CDH23: variants seen among roughly 807,000 people sequenced by gnomAD.
The protein encoded by CDH23 is cadherin-23.
In CDH23, 189 loss-of-function variants were observed where a neutral mutation model predicts 317.1. The ratio of observed to expected loss-of-function variants is 0.60; its 90% confidence interval spans 0.53 to 0.67. The LOEUF (loss-of-function observed/expected upper bound fraction) is 0.67, where lower values mean the gene tolerates loss of function less well. Among genes scored for constraint, CDH23 ranks in the 30% least tolerant of loss-of-function variants. CDH23 has a pLI of 0.00. For missense variants in CDH23, 4,401 were observed against 4,592.4 expected (o/e 0.96, Z 1.20); for synonymous variants, 1,839 against 1,876.8 (o/e 0.98, Z 0.52).
Position 71,784,272 on chromosome 10 carries a change from C to A in CDH23, c.5369-15C>A. On this transcript the variant is annotated splice_polypyrimidine_tract_variant and intron_variant, in intron 41 of 69. Coordinates refer to ENST00000224721, the MANE Select transcript of CDH23 (RefSeq NM_022124.6). ...CAATGCCCGACTAACTTGGGCCTCT[C>A]CTGGTGACACCCAGGGGAGTTTGTG... The A allele has an allele frequency of 6.2e-7, 1 of 1,610,550 alleles. No homozygotes were observed. The highest frequency in any genetic ancestry group is 8.5e-7 in the Non-Finnish European group (1 of 1,177,582).
chr10:71,682,301 G>T, intron 17 of CDH23, 144 bp from the exon 18 acceptor site: 3 of 1,056,806 alleles, frequency 2.8e-6, no homozygotes, highest in Middle Eastern at 3.1e-4. Flanking sequence ...CAGTCGAGAT[G>T]TTGAGGCTCC....
rs574783233 is a variant in CDH23 at position 71,734,432 on chromosome 10, A to G, written c.4206+91A>G. The G allele has an allele frequency of 2.1e-5, 31 of 1,490,178 alleles. 1 individual carries two copies. The highest frequency in any genetic ancestry group is 1.5e-4 in the East Asian group (6 of 41,088). 92.3% of individuals were successfully genotyped at this position (1,490,178 alleles called of 1,614,324 possible). A position where few individuals can be genotyped will look rare whatever the true frequency, so the allele number is the denominator to read the frequency against. On this transcript the variant is annotated intron_variant, in intron 33 of 69. Transcript: ENST00000224721. ...CATGTCCTCGCCAGCCACCCAATGTATGGGCCAGGCAGCGGGCGAGGGTCT... is the reference window on the plus strand; with the variant it reads ...CATGTCCTCGCCAGCCACCCAATGTGTGGGCCAGGCAGCGGGCGAGGGTCT...
intron 28 of CDH23, chr10:71,717,102 C>T (rs1381727169): frequency 6.6e-6 from 1 of 152,310 alleles, no homozygotes; most frequent in African/African-American, 2.4e-5. Context: ...GTCCAACTTG[C>T]TCCCACGACA....
rs760560600 is a variant in CDH23 at position 71,732,184 on chromosome 10, A to G, written c.3913A>G (p.Asn1305Asp). 1 of 1,613,922 alleles carries G rather than the reference A, an allele frequency of 6.2e-7. No individual in the cohort carries two copies. Among genetic ancestry groups the G allele is most frequent in the Non-Finnish European group, 8.5e-7 (1 of 1,179,846 alleles). ...GFCSVYITLL[N>D]ELDEAVQFSN... ...CTGCAGCGTCTACATCACTCTGCTC[A>G]ACGAGCTGGACGAGGCCGTGCAGTT... Residue 1305 changes from asparagine to aspartate, a missense_variant, in exon 32 of 70, where the codon AAC (asparagine) becomes GAC (aspartate). This residue lies in a region of CDH23 where 3,068 missense variants were observed against 3,203.3 expected (regional missense o/e 0.96). Coordinates refer to ENST00000224721, the MANE Select transcript of CDH23 (RefSeq NM_022124.6).
intron 18 of CDH23, 132 bp from the exon 19 acceptor site, chr10:71,687,515 T>C (rs1287287303): frequency 4.0e-6 from 3 of 756,564 alleles, no homozygotes; most frequent in Non-Finnish European, 7.1e-6. Flanking sequence ...CACCTGGCTC[T>C]GGTTATACGG....
At chr10:71,762,045 GC>G (rs1156440443) in intron 38 of CDH23, 1 of 1,575,256 alleles carries the variant, frequency 6.3e-7, no homozygotes, top group African/African-American at 1.3e-5. Context: ...AGAGAGGAGA[GC>G]CCTGTCACCT....
chr10:71,752,007 A>T, intron 38 of CDH23: 1 of 925,288 alleles, frequency 1.1e-6, no homozygotes. Context: ...AGAAGGCAGG[A>T]GCCAGGCCCA....
chr10:71,563,779 T>G lies in CDH23; in HGVS notation c.430-2963T>G, dbSNP rs370244102. Among the ~76,000 whole-genome samples the G allele has an allele frequency of 1.8e-4, 28 of 151,566 alleles. No homozygotes were observed. In the East Asian group the frequency reaches 3.7e-3, roughly 20 times the overall value. On this transcript the variant is annotated intron_variant, in intron 6 of 69. Transcript: ENST00000224721. ...TTTTTTCTTTTTTGAGACGGAGTCT[T>G]GCTCTGTCACCCAGGCTGGAGTGCA...
At chr10:71,708,719 T>G (rs1378150435) in intron 26 of CDH23, among the ~76,000 whole-genome samples, 1 of 152,194 alleles carries the variant, frequency 6.6e-6, no homozygotes, top group Non-Finnish European at 1.5e-5. Context: ...CAGACGCTTC[T>G]GCAGGACGGG....
At chr10:71,612,640 G>T (rs182663844) in intron 9 of CDH23, among the ~76,000 whole-genome samples, 14 of 152,218 alleles carry the variant, frequency 9.2e-5, no homozygotes, top group East Asian at 1.9e-4. Context: ...TGCTGTCTGT[G>T]GGGGGGCTGG....
chr10:71,798,422 T>C lies in CDH23; in HGVS notation c.6898T>C (p.Tyr2300His), dbSNP rs760052525. ...CCAGTTCAAGCCCTTTGGGATCACCTACTACATGGAGCGGATCCTGGAGGG... is the reference window on the plus strand; with the variant it reads ...CCAGTTCAAGCCCTTTGGGATCACCCACTACATGGAGCGGATCCTGGAGGG... ...TPQFKPFGITYYMERILEGAT... is the reference protein window; with the variant it reads ...TPQFKPFGITHYMERILEGAT... The change falls in exon 50 of 70, where the codon TAC (tyrosine) becomes CAC (histidine). Residue 2300 changes from tyrosine (Y) to histidine (H), a missense_variant. By Grantham distance (83) the Tyr-to-His change is moderately conservative. Coordinates refer to ENST00000224721, the MANE Select transcript of CDH23 (RefSeq NM_022124.6). The C allele has an allele frequency of 6.2e-7, 1 of 1,613,952 alleles. No individual in the cohort carries two copies. The highest frequency in any genetic ancestry group is 2.2e-5 in the East Asian group (1 of 44,876).
intron 1 of CDH23, among the ~76,000 whole-genome samples, chr10:71,427,760 T>C (rs961687465): frequency 1.3e-5 from 2 of 151,648 alleles, no homozygotes; most frequent in African/African-American, 4.8e-5. Flanking sequence ...TTGCCCAGGC[T>C]GGAGTGCGGT....
At chr10:71,707,401 G>T in intron 26 of CDH23, 1 of 1,331,610 alleles carries the variant, frequency 7.5e-7, no homozygotes, top group Non-Finnish European at 9.6e-7. Context: ...ACAGAGCAGT[G>T]ACTTGGAGGA....
intron 6 of CDH23, among the ~76,000 whole-genome samples, chr10:71,539,042 G>C (rs188442891): frequency 3.3e-5 from 5 of 152,200 alleles, no homozygotes; most frequent in Non-Finnish European, 5.9e-5. Context: ...GGGAGTTTCC[G>C]GTGCCTTGGT....
In CDH23 at chr10:71,753,481, T is replaced by C. The variant is rs528285199; in HGVS notation, c.4845+11560T>C. On this transcript the variant is annotated intron_variant, in intron 38 of 69. Transcript: ENST00000224721. ...CAGTTCCTAATTAGAGGGCTCCTGG[T>C]CCTCTCTGTCCTATCCCCTACATTG... 1.1e-4 allele frequency among the ~76,000 whole-genome samples: 16 copies of C among 152,342 alleles called. 1 individual carries two copies. Among genetic ancestry groups the C allele is most frequent in the African/African-American group, 3.6e-4 (15 of 41,574 alleles).
intron 38 of CDH23, chr10:71,762,171 C>T: frequency 1.0e-6 from 1 of 962,738 alleles, no homozygotes; most frequent in Non-Finnish European, 1.5e-6. Flanking sequence ...CTGCCTTCTG[C>T]ATTTGTTCAC....
At chr10:71,702,506 A>G (rs1258456159) in intron 23 of CDH23, 43 bp from the exon 24 acceptor site, 7 of 1,612,758 alleles carry the variant, frequency 4.3e-6, no homozygotes, top group Non-Finnish European at 1.7e-6. Flanking sequence ...TCTTGCACCC[A>G]TCTTACCCTG....
At chr10:71,682,381 C>G in intron 17 of CDH23, 64 bp from the exon 18 acceptor site, 1 of 1,583,726 alleles carries the variant, frequency 6.3e-7, no homozygotes, top group Middle Eastern at 1.8e-4. Context: ...CAAAGGGGAC[C>G]CCTGTCTGGA....
rs527797533 is a variant in CDH23 at position 71,527,034 on chromosome 10, C to T, written c.429+15822C>T. On this transcript the variant is annotated intron_variant, in intron 6 of 69. Transcript: ENST00000224721. Reference sequence around the variant, plus strand: ...TGAGAGTGGTGCTGGGCTCGTAGGGCAGGACACCTGGACTGTGGCACCTTG... The same window carrying T: ...TGAGAGTGGTGCTGGGCTCGTAGGGTAGGACACCTGGACTGTGGCACCTTG... Among the ~76,000 whole-genome samples, 8 of 152,312 alleles carry T rather than the reference C, an allele frequency of 5.3e-5. No homozygotes were observed. The East Asian group carries it at 1.3e-3, about 26-fold the overall frequency.
Sources: allele counts gnomAD v4.1 joint callset (sites outside exome capture counted in the v4.1 genomes callset), GRCh38; gene constraint gnomAD v4.1.1; regional missense constraint gnomAD v4.1.1; transcripts MANE v1.5; gene names NCBI Gene and HGNC (gene_info 2026-07-23, HGNC 2026-07-21).